SPATA31C2: variants seen among roughly 807,000 people sequenced by gnomAD.
The protein encoded by SPATA31C2 is SPATA31 subfamily C member 2.
In SPATA31C2, 5 loss-of-function variants were observed where a neutral mutation model predicts 11.4. The observed-to-expected ratio is 0.44, with a 90% CI of 0.23 to 0.92. SPATA31C2 has a LOEUF of 0.92. Among genes scored for constraint, SPATA31C2 ranks in the 40% least tolerant of loss-of-function variants. The pLI is 0.24. For synonymous variants in SPATA31C2, 515 were observed against 538.7 expected (o/e 0.96, Z 0.61); for missense variants, 1,353 against 1,368.6 (o/e 0.99, Z 0.18).
intron 1 of SPATA31C2, among the ~76,000 whole-genome samples, chr9:88,136,678 T>C (rs1825686809): frequency 1.4e-5 from 2 of 143,438 alleles, no homozygotes; most frequent in African/African-American, 2.6e-5. Flanking sequence ...GATGTGATCT[T>C]TTTTTTTTTT....
intron 3 of SPATA31C2, 93 bp downstream of exon 3, chr9:88,132,873 C>T (rs543827379): frequency 7.6e-7 from 1 of 1,320,816 alleles, no homozygotes; most frequent in Non-Finnish European, 1.0e-6. Context: ...TCCCCCTGGT[C>T]TCTCCATCCC....
Position 88,132,514 on chromosome 9 carries a change from G to T in SPATA31C2, c.523C>A (p.Pro175Thr), listed in dbSNP as rs367929652. Residue 175 changes from proline (P) to threonine (T), a missense_variant, in exon 4 of 4, where the codon CCA becomes ACA. Pro to Thr is a conservative substitution (Grantham distance 38). This residue lies in a region of SPATA31C2 where 1,075 missense variants were observed against 992.8 expected (regional missense o/e 1.08). Transcript: ENST00000324915. ...TKHPQDLAST[P>T]PPGPMTTSVS... ...GAGGTGGTCATTGGGCCTGGTGGTG[G>T]GGTGGAGGCCAGATCCTGAGGATGC... 3.4e-4 allele frequency: 554 copies of T among 1,610,758 alleles called. 1 individual carries two copies. Among genetic ancestry groups the T allele is most frequent in the Non-Finnish European group, 4.6e-4 (539 of 1,177,922 alleles).
rs776124852 is a variant in SPATA31C2, at chr9:88,129,785, C to T, written c.3252G>A (p.Gln1084=). The T allele has an allele frequency of 6.2e-7, 1 of 1,604,216 alleles. No individual in the cohort carries two copies. The highest frequency in any genetic ancestry group is 1.1e-5 in the South Asian group (1 of 90,950). Residue 1084 remains glutamine (Q), a synonymous_variant, in exon 4 of 4, where the codon CAG becomes CAA. Coordinates refer to ENST00000324915, the MANE Select transcript of SPATA31C2 (RefSeq NM_001350978.3). ...GAAACCCACAGACTGGGGCTTGAAA[C>T]TGCTGTCTTTGCTGATTTACCTTCG... ...HASKVNQQRQ[Q]FQAPVCGFPC...
chr9:88,132,307 A>G lies in SPATA31C2; in HGVS notation c.730T>C (p.Ser244Pro). ...GGAAGTGCCACTGAGTCACAGTGAG[A>G]TGGTGTTAACAGAGTGGAGTCCCGC... ...PLRDSTLLTP[S>P]HCDSVALPLD... Residue 244 changes from serine to proline, a missense_variant, in exon 4 of 4, where the codon TCT becomes CCT. Ser to Pro is a moderately conservative substitution (Grantham distance 74). This residue lies in a region of SPATA31C2 where 1,075 missense variants were observed against 992.8 expected (regional missense o/e 1.08). Transcript: ENST00000324915. 2 of 1,610,884 alleles carry G rather than the reference A, an allele frequency of 1.2e-6. No individual in the cohort carries two copies. Among genetic ancestry groups the G allele is most frequent in the South Asian group, 1.1e-5 (1 of 91,030 alleles).
intron 1 of SPATA31C2, 108 bp from the exon 2 acceptor site, chr9:88,133,777 C>T (rs934436998): frequency 1.4e-6 from 2 of 1,388,014 alleles, no homozygotes; most frequent in Admixed American, 2.0e-5. Flanking sequence ...CTGTCTTGCT[C>T]AGGGAGCTCT....
At chr9:88,133,399 C>T (rs977280632) in intron 2 of SPATA31C2, among the ~76,000 whole-genome samples, 195 bp downstream of exon 2, 1 of 93,830 alleles carries the variant, frequency 1.1e-5, no homozygotes, top group African/African-American at 4.5e-5. Flanking sequence ...ACACACTGCC[C>T]CCTGCTGGGT....
At position 88,132,198 on chromosome 9, in the gene SPATA31C2, T is replaced by C. The variant is rs369739362; in HGVS notation, c.839A>G (p.Asn280Ser). The change falls in exon 4 of 4, where the codon AAC becomes AGC. Residue 280 changes from asparagine to serine, a missense_variant. Physicochemically the swap from Asn to Ser is conservative, Grantham distance 46. Around this residue, in one of 6 missense-constraint regions of SPATA31C2, gnomAD observed 1,075 missense variants for 992.8 expected, o/e 1.08. Coordinates refer to ENST00000324915, the MANE Select transcript of SPATA31C2 (RefSeq NM_001350978.3). ...CCAGGAGAGGGCAGAAACTTGACTG[T>C]TTGAGCCGCCAAGGCCTGAGATGCC... ...VPGISGLGGS[N>S]SQVSALSWSQ... 2.9e-5 allele frequency: 47 copies of C among 1,610,436 alleles called. No individual in the cohort carries two copies. Among genetic ancestry groups the C allele is most frequent in the Non-Finnish European group, 3.7e-5 (43 of 1,177,598 alleles).
chr9:88,136,854 T>C (rs1376656169), intron 1 of SPATA31C2, among the ~76,000 whole-genome samples: 1 of 128,408 alleles, frequency 7.8e-6, no homozygotes, highest in East Asian at 2.5e-4. Flanking sequence ...TAATTTTCCA[T>C]ACACTACCAC....
In SPATA31C2 at chr9:88,131,688, C is replaced by G. The variant is rs1473141238; in HGVS notation, c.1349G>C (p.Trp450Ser). 4 of 1,611,864 alleles carry G rather than the reference C, an allele frequency of 2.5e-6. No homozygotes were observed. Among genetic ancestry groups the G allele is most frequent in the Non-Finnish European group, 2.5e-6 (3 of 1,179,856 alleles). Residue 450 changes from tryptophan (W) to serine (S), a missense_variant, in exon 4 of 4, where the codon TGG becomes TCG. By Grantham distance (177) the Trp-to-Ser change is radical. Transcript: ENST00000324915. ...CCCCATGTGTTGCTCCAGTTGTCTC[C>G]AGAGTTCAGGACTGACTGGAAAGTT... ...PENFPVSPEL[W>S]RQLEQHMGQR... is the part of the protein sequence containing the mutation.
In SPATA31C2 at chr9:88,132,076, A is replaced by G. The variant is rs577673955; in HGVS notation, c.961T>C (p.Phe321Leu). ...AGATGGGACAGGGGCTGGGCCTGGA[A>G]AAGCAGTGGGGACATTGTAGTGTCC... ...QRDTTMSPLL[F>L]QAQPLSHLEP... The change falls in exon 4 of 4, where the codon TTC becomes CTC. Residue 321 changes from phenylalanine (F) to leucine (L), a missense_variant. Transcript: ENST00000324915. 58 of 1,610,748 alleles carry G rather than the reference A, an allele frequency of 3.6e-5. No individual in the cohort carries two copies. The African/African-American group carries it at 6.8e-4, about 19-fold the overall frequency.
Position 88,129,941 on chromosome 9 carries a change from A to C in SPATA31C2, c.3096T>G (p.Thr1032=). ...TTTTTACTGTTTTTTGGCTCTCAGC[A>C]GTGACTGGTGCTGGCTTCCTTTCTT... is the stretch of plus-strand genomic sequence containing the variant. The part of the protein sequence containing the change: ...SKKERKPAPV[T]AESQKTVKNR... The change falls in exon 4 of 4, where the codon ACT becomes ACG. Residue 1032 remains threonine, a synonymous_variant. Transcript: ENST00000324915. The C allele has an allele frequency of 6.2e-7, 1 of 1,607,904 alleles. No individual in the cohort carries two copies. The highest frequency in any genetic ancestry group is 8.5e-7 in the Non-Finnish European group (1 of 1,175,984).
Position 88,131,839 on chromosome 9 carries a change from G to T in SPATA31C2, c.1198C>A (p.Pro400Thr), listed in dbSNP as rs542992169. The T allele has an allele frequency of 1.2e-5, 19 of 1,611,390 alleles. No individual in the cohort carries two copies. In the South Asian group the frequency reaches 1.8e-4, roughly 15 times the overall value. ...CCTTCTAGTTGTTTCTTCAACAAAGGCCTTTCAGGGTGCTGAGTTTCAGGT... is the reference window on the plus strand; with the variant it reads ...CCTTCTAGTTGTTTCTTCAACAAAGTCCTTTCAGGGTGCTGAGTTTCAGGT... ...SLPETQHPER[P>T]LLKKQLEGGL... is the part of the protein sequence containing the mutation. The change falls in exon 4 of 4, where the codon CCT becomes ACT. Residue 400 changes from proline to threonine, a missense_variant. Coordinates refer to ENST00000324915, the MANE Select transcript of SPATA31C2 (RefSeq NM_001350978.3).
intron 3 of SPATA31C2, 24 bp from the exon 4 acceptor site, chr9:88,132,734 C>T (rs772214389): frequency 1.3e-6 from 2 of 1,589,270 alleles, no homozygotes; most frequent in Middle Eastern, 1.9e-4. Flanking sequence ...GAGGCACAAG[C>T]TGCAGCCAGG....
rs28537428 is a variant in SPATA31C2, at chr9:88,131,165, G to A, written c.1872C>T (p.Ser624=). Residue 624 remains serine, a synonymous_variant, in exon 4 of 4, where the codon AGC becomes AGT. Coordinates refer to ENST00000324915, the MANE Select transcript of SPATA31C2 (RefSeq NM_001350978.3). The part of the protein sequence containing the change: ...VKTSNLAAPK[S]RKACVNTAQV... ...GGGCTGTGTTCACACAGGCTTTCCT[G>A]CTTTTCGGGGCTGCTAGATTGCTGG... 3,252 of 1,609,898 alleles carry A rather than the reference G, an allele frequency of 2.0e-3. 107 individuals carry two copies. In the Admixed American group the frequency reaches 0.033, roughly 16 times the overall value.
rs1339726508 is a variant in SPATA31C2, at chr9:88,131,819, T to C, written c.1218A>G (p.Leu406=). The change falls in exon 4 of 4, where the codon CTA becomes CTG. Residue 406 remains leucine (L), a synonymous_variant. Transcript: ENST00000324915. ...TAGAGGGTAAAGCCAACCCACCTTCTAGTTGTTTCTTCAACAAAGGCCTTT... is the reference window on the plus strand; with the variant it reads ...TAGAGGGTAAAGCCAACCCACCTTCCAGTTGTTTCTTCAACAAAGGCCTTT... The part of the protein sequence containing the change: ...HPERPLLKKQ[L]EGGLALPSRV... 2 of 1,611,450 alleles carry C rather than the reference T, an allele frequency of 1.2e-6. No individual in the cohort carries two copies. The highest frequency in any genetic ancestry group is 2.2e-5 in the East Asian group (1 of 44,864).
In SPATA31C2 at chr9:88,130,555, C is replaced by T; in HGVS notation, c.2482G>A (p.Ala828Thr). 6 of 1,613,318 alleles carry T rather than the reference C, an allele frequency of 3.7e-6. No individual in the cohort carries two copies. The highest frequency in any genetic ancestry group is 5.1e-6 in the Non-Finnish European group (6 of 1,179,560). Reference sequence around the variant, plus strand: ...AGAGAGCTTTTGCTGGCGCCTGGAGCCTTGAAACCACGCACATCCTCACTT... The same window carrying T: ...AGAGAGCTTTTGCTGGCGCCTGGAGTCTTGAAACCACGCACATCCTCACTT... The part of the protein sequence containing the change: ...ATSEDVRGFK[A>T]PGASKSSLLP... The change falls in exon 4 of 4, where the codon GCT (alanine) becomes ACT (threonine). Residue 828 changes from alanine to threonine, a missense_variant. Ala to Thr is a moderately conservative substitution (Grantham distance 58, BLOSUM62 0). Coordinates refer to ENST00000324915, the MANE Select transcript of SPATA31C2 (RefSeq NM_001350978.3).
intron 1 of SPATA31C2, among the ~76,000 whole-genome samples, chr9:88,136,085 T>C (rs1435284868): frequency 3.0e-3 from 402 of 135,826 alleles, no homozygotes; most frequent in Non-Finnish European, 4.8e-3. Flanking sequence ...AGGCATGTGC[T>C]ACCACGCCCG....
At position 88,131,730 on chromosome 9, in the gene SPATA31C2, G is replaced by A. The variant is rs1825599057; in HGVS notation, c.1307C>T (p.Thr436Ile). 3.7e-6 allele frequency: 6 copies of A among 1,611,942 alleles called. No individual in the cohort carries two copies. Among genetic ancestry groups the A allele is most frequent in the South Asian group, 1.1e-5 (1 of 90,984 alleles). ...TGGAAAGTTCTCAGGCAGAATGGAT[G>A]TCAGTCTTTCCTGGGGAAGGTTAGG... ...STPNLPQERL[T>I]SILPENFPVS... The change falls in exon 4 of 4, where the codon ACA (threonine) becomes ATA (isoleucine). Residue 436 changes from threonine to isoleucine, a missense_variant. Physicochemically the swap from Thr to Ile is moderately conservative, Grantham distance 89. Around this residue, in one of 6 missense-constraint regions of SPATA31C2, gnomAD observed 1,075 missense variants for 992.8 expected, o/e 1.08. Coordinates refer to ENST00000324915, the MANE Select transcript of SPATA31C2 (RefSeq NM_001350978.3).
rs1403469911 is a variant in SPATA31C2, at chr9:88,135,708, G to T, written c.190-2039C>A. 3.1e-3 allele frequency among the ~76,000 whole-genome samples: 407 copies of T among 129,758 alleles called. 1 individual carries two copies. Among genetic ancestry groups the T allele is most frequent in the Non-Finnish European group, 4.9e-3 (306 of 62,652 alleles). 85.1% of individuals were successfully genotyped at this position (129,758 alleles called of 152,430 possible). On this transcript the variant is annotated intron_variant, in intron 1 of 3. Transcript: ENST00000324915. ...TTCTTTTTGTATTTTTAGTAGAGAC[G>T]GGGTTTCACCGTGTTAGCCAGGATG...
Sources: gnomAD v4.1 joint callset for allele counts (sites outside exome capture counted in the v4.1 genomes callset) on GRCh38, gnomAD v4.1.1 for gene constraint, gnomAD v4.1.1 regional missense constraint, MANE v1.5 for transcripts, NCBI Gene and HGNC (gene_info 2026-07-23, HGNC 2026-07-21) for gene names.